Variants in ACVR1C observed in about 807,000 individuals in gnomAD.
The protein encoded by ACVR1C is activin A receptor type 1C.
In ACVR1C, 23 loss-of-function variants were observed where a neutral mutation model predicts 57.9. The observed-to-expected ratio is 0.40, with a 90% confidence interval of 0.29 to 0.56. The LOEUF (loss-of-function observed/expected upper bound fraction) is 0.56, where lower values mean the gene tolerates loss of function less well. Among genes scored for constraint, ACVR1C ranks in the 20% least tolerant of loss-of-function variants. The probability of loss-of-function intolerance (pLI) is 0.50; values close to 1 mark genes in which losing one functional copy is unlikely to be tolerated. For synonymous variants in ACVR1C, 214 were observed against 215.3 expected, an observed-to-expected ratio of 0.99 and a Z score of 0.05; for missense variants, 480 against 607.9, an observed-to-expected ratio of 0.79 and a Z score of 2.21.
At chr2:157,566,342 T>TA (rs1381538517) in intron 2 of ACVR1C, among the ~76,000 whole-genome samples, 1 of 152,126 alleles carries the variant, frequency 6.6e-6, no homozygotes, top group African/African-American at 2.4e-5. Flanking sequence ...CTATGCTAGC[T>TA]AGTGGGAATG....
At chr2:157,549,843 A>G (rs1036746522) in intron 4 of ACVR1C, among the ~76,000 whole-genome samples, 1 of 149,692 alleles carries the variant, frequency 6.7e-6, no homozygotes, top group African/African-American at 2.4e-5. Flanking sequence ...AAAAAAAAAA[A>G]AAAAAAAAAA....
At chr2:157,549,075 G>A (rs939911682) in intron 4 of ACVR1C, among the ~76,000 whole-genome samples, 19 of 152,108 alleles carry the variant, frequency 1.2e-4, no homozygotes, top group South Asian at 2.1e-4. Context: ...AAACTCCTGG[G>A]CCAGGCGGGG....
At chr2:157,563,489 A>G (rs1204205672) in intron 2 of ACVR1C, among the ~76,000 whole-genome samples, 2 of 152,218 alleles carry the variant, frequency 1.3e-5, no homozygotes, top group African/African-American at 2.4e-5. Context: ...ATGTAAAAAC[A>G]TTTCATGCTC....
intron 2 of ACVR1C, among the ~76,000 whole-genome samples, chr2:157,562,871 CAT>C (rs35098971): frequency 0.33 from 49,843 of 151,924 alleles, 8,694 homozygotes; most frequent in Non-Finnish European, 0.4. Context: ...ACAAAAACCA[CAT>C]GATTATCTCA....
chr2:157,554,423 A>AAGG (rs202167559), intron 3 of ACVR1C, among the ~76,000 whole-genome samples: 1 of 150,186 alleles, frequency 6.7e-6, no homozygotes, highest in Non-Finnish European at 1.5e-5. Context: ...GAAGGAGACA[A>AAGG]AGGAAGGAAG....
chr2:157,536,052 A>T (rs1327551378), intron 8 of ACVR1C, among the ~76,000 whole-genome samples: 1 of 152,228 alleles, frequency 6.6e-6, no homozygotes, highest in Non-Finnish European at 1.5e-5. Context: ...TCGATGGATG[A>T]GTTAAATGGC....
chr2:157,606,281 T>G (rs1682394681), intron 1 of ACVR1C, among the ~76,000 whole-genome samples: 1 of 151,708 alleles, frequency 6.6e-6, no homozygotes, highest in Non-Finnish European at 1.5e-5. Context: ...AGGTATCCCT[T>G]TGATATACTG....
At position 157,529,400 on chromosome 2, in the gene ACVR1C, A is replaced by G. The variant is rs1305900150; in HGVS notation, c.*4518T>C. 1.3e-5 allele frequency: 2 copies of G among 152,080 alleles called. No individual in the cohort carries two copies. Among genetic ancestry groups the G allele is most frequent in the Admixed American group, 1.3e-4 (2 of 15,234 alleles). The allele number at this position is 152,080 out of a possible 1,614,324, so 9.4% of individuals were successfully genotyped here. ...AGTAAATTATTTTAGTAGAAACCCA[A>G]AGAAAAGTGGGATTTTATCATCATC... is the stretch of plus-strand genomic sequence containing the variant. On this transcript the variant is annotated 3_prime_UTR_variant, in exon 9 of 9. Coordinates refer to ENST00000243349, the MANE Select transcript of ACVR1C (RefSeq NM_145259.3).
intron 1 of ACVR1C, among the ~76,000 whole-genome samples, chr2:157,623,141 A>G (rs1682819851): frequency 6.6e-6 from 1 of 152,186 alleles, no homozygotes; most frequent in African/African-American, 2.4e-5. Flanking sequence ...AAAAGCGAAC[A>G]TTTGTACACT....
chr2:157,623,280 T>C (rs759098016), intron 1 of ACVR1C, among the ~76,000 whole-genome samples: 2 of 151,962 alleles, frequency 1.3e-5, no homozygotes, highest in African/African-American at 2.4e-5. Flanking sequence ...GAAAGAAAAT[T>C]AGTATATGGA....
At chr2:157,554,339 G>GAGAA (rs1433104040) in intron 3 of ACVR1C, among the ~76,000 whole-genome samples, 4 of 124,692 alleles carry the variant, frequency 3.2e-5, no homozygotes, top group South Asian at 5.6e-4. Flanking sequence ...AAGAGAAAGA[G>GAGAA]AGAAAGAAAG....
At chr2:157,541,760 G>A (rs545695814) in intron 6 of ACVR1C, among the ~76,000 whole-genome samples, 1 of 152,232 alleles carries the variant, frequency 6.6e-6, no homozygotes, top group Admixed American at 6.5e-5. Flanking sequence ...GTCTCCCAGT[G>A]AATCACAAGA....
intron 2 of ACVR1C, among the ~76,000 whole-genome samples, chr2:157,562,380 A>C (rs1036762395): frequency 6.8e-6 from 1 of 146,866 alleles, no homozygotes; most frequent in African/African-American, 2.5e-5. Context: ...CCAAGACTAA[A>C]CCAGGAAGAA....
At chr2:157,547,958 C>T (rs1396949169) in intron 4 of ACVR1C, among the ~76,000 whole-genome samples, 1 of 151,982 alleles carries the variant, frequency 6.6e-6, no homozygotes, top group African/African-American at 2.4e-5. Flanking sequence ...TTAGGTCTAA[C>T]ATTTAAGTCT....
rs1253067701 is a variant in ACVR1C at position 157,587,039 on chromosome 2, C to G, written c.304+148G>C. ...TTAAAAACTCAACCTCAGCTAGACT[C>G]TAGAGAATTTTACCAGCCAAAATCA... On this transcript the variant is annotated intron_variant, in intron 2 of 8. Coordinates refer to ENST00000243349, the MANE Select transcript of ACVR1C (RefSeq NM_145259.3). 9 of 705,796 alleles carry G rather than the reference C, an allele frequency of 1.3e-5. No homozygotes were observed. In the Admixed American group the frequency reaches 2.2e-4, roughly 17 times the overall value. The allele number at this position is 705,796 out of a possible 1,614,324, so 43.7% of individuals were successfully genotyped here.
intron 2 of ACVR1C, among the ~76,000 whole-genome samples, chr2:157,583,463 T>C (rs1292000689): frequency 1.3e-5 from 2 of 152,212 alleles, no homozygotes; most frequent in African/African-American, 4.8e-5. Flanking sequence ...AATTAATCTA[T>C]ATATTCAACT....
chr2:157,554,268 A>AAAGAAAGAAAGAAAGGAAGG (rs1261113225), intron 3 of ACVR1C, among the ~76,000 whole-genome samples: 24 of 113,596 alleles, frequency 2.1e-4, no homozygotes, highest in African/African-American at 7.7e-4. Flanking sequence ...AGAAAGAAAG[A>AAAGAAAGAAAGAAAGGAAGG]AAGGAAGGAA....
intron 1 of ACVR1C, among the ~76,000 whole-genome samples, chr2:157,612,960 C>G (rs1395331988): frequency 2.6e-5 from 4 of 152,194 alleles, no homozygotes; most frequent in Non-Finnish European, 5.9e-5. Context: ...GTGTGTGACC[C>G]AGTACAAGTT....
At chr2:157,628,117 CCCA>C (rs1407947923) in intron 1 of ACVR1C, among the ~76,000 whole-genome samples, 2 of 152,148 alleles carry the variant, frequency 1.3e-5, no homozygotes, top group Non-Finnish European at 2.9e-5. Context: ...ATCACCACCT[CCCA>C]CCACCACCAT....
Sources: gnomAD v4.1 joint callset for allele counts (sites outside exome capture counted in the v4.1 genomes callset) on GRCh38, gnomAD v4.1.1 for gene constraint, MANE v1.5 for transcripts, NCBI Gene and HGNC (gene_info 2026-07-23, HGNC 2026-07-21) for gene names.